The following GTF2H1 variants were observed in gnomAD, a reference collection of about 807,000 sequenced individuals.
The protein encoded by GTF2H1 is general transcription factor IIH subunit 1.
A neutral mutation model predicts 71.2 loss-of-function variants in GTF2H1; 16 were observed. That is an observed-to-expected ratio of 0.22 (90% CI 0.15 to 0.34). GTF2H1 has a LOEUF of 0.34. Among genes scored for constraint, GTF2H1 ranks in the 10% least tolerant of loss-of-function variants. The pLI, the probability that GTF2H1 is intolerant of heterozygous loss-of-function variation, is 1.00. For missense variants in GTF2H1, 498 were observed against 648.2 expected (o/e 0.77, Z 2.52); for synonymous variants, 215 against 219.0 (o/e 0.98, Z 0.16).
At chr11:18,361,018 T>C (rs564157235) in intron 14 of GTF2H1, among the ~76,000 whole-genome samples, 1 of 152,022 alleles carries the variant, frequency 6.6e-6, no homozygotes, top group East Asian at 1.9e-4. Flanking sequence ...TTGGCCAGGC[T>C]GGTCTCAAAC....
At chr11:18,333,761 G>A (rs4150564) in intron 2 of GTF2H1, among the ~76,000 whole-genome samples, 110,427 of 152,076 alleles carry the variant, frequency 0.73, 40,514 homozygotes, top group East Asian at 0.97. Context: ...CTGGGATTAT[G>A]TTATAGGCAT....
intron 11 of GTF2H1, 35 bp from the exon 12 acceptor site, chr11:18,357,917 G>A (rs1448022628): frequency 1.5e-6 from 2 of 1,311,742 alleles, no homozygotes; most frequent in Non-Finnish European, 2.2e-6. Context: ...AAAAAGGGAG[G>A]AAAACCAGTT....
chr11:18,334,592 A>G (rs925708446), intron 2 of GTF2H1, among the ~76,000 whole-genome samples: 4 of 152,194 alleles, frequency 2.6e-5, no homozygotes, highest in Non-Finnish European at 2.9e-5. Flanking sequence ...TTTCTCTACA[A>G]TTCTTCTCAG....
intron 12 of GTF2H1, 77 bp from the exon 13 acceptor site, chr11:18,358,448 C>G: frequency 2.6e-6 from 2 of 776,706 alleles, no homozygotes; most frequent in Non-Finnish European, 4.4e-6. Context: ...CAAATTTATT[C>G]TCTGAGTGGT....
rs1864524067 is a variant in GTF2H1, at chr11:18,322,636, C to G, written c.-120C>G. 6.6e-6 allele frequency: 1 copy of G among 152,276 alleles called. No individual in the cohort carries two copies. Among genetic ancestry groups the G allele is most frequent in the Non-Finnish European group, 1.5e-5 (1 of 68,092 alleles). The allele number at this position is 152,276 out of a possible 1,614,324, so 9.4% of individuals were successfully genotyped here. On this transcript the variant is annotated 5_prime_UTR_variant, in exon 1 of 15. Transcript: ENST00000265963. Reference sequence around the variant, plus strand: ...GAGGCGGTGGCTACTGCTGCGGCCACTGGGTTTCGGCCTCTTCCCAGCAGC... The same window carrying G: ...GAGGCGGTGGCTACTGCTGCGGCCAGTGGGTTTCGGCCTCTTCCCAGCAGC...
chr11:18,347,632 C>T lies in GTF2H1; in HGVS notation c.882C>T (p.Ser294=). The T allele has an allele frequency of 6.2e-7, 1 of 1,610,616 alleles. No individual in the cohort carries two copies. The highest frequency in any genetic ancestry group is 8.5e-7 in the Non-Finnish European group (1 of 1,176,888). Reference sequence around the variant, plus strand: ...TGCCATCTGCTTCCAATTCTAAATCCATAAAAGAGAATAGTAATGCTGCCA... The same window carrying T: ...TGCCATCTGCTTCCAATTCTAAATCTATAAAAGAGAATAGTAATGCTGCCA... ...SSVPSASNSK[S]IKENSNAAII... The change falls in exon 8 of 15, where the codon TCC becomes TCT. Residue 294 remains serine, a synonymous_variant. Transcript: ENST00000265963.
chr11:18,343,382 C>T (rs1006051515), intron 7 of GTF2H1, among the ~76,000 whole-genome samples: 2 of 152,108 alleles, frequency 1.3e-5, no homozygotes, highest in Admixed American at 1.3e-4. Flanking sequence ...CATAGTATTC[C>T]ATTGGTATGG....
At chr11:18,357,320 T>C (rs943636836) in intron 11 of GTF2H1, among the ~76,000 whole-genome samples, 18 of 152,176 alleles carry the variant, frequency 1.2e-4, no homozygotes, top group Admixed American at 2.6e-4. Flanking sequence ...AGTATATTTT[T>C]CCCCCTTTTG....
intron 10 of GTF2H1, 69 bp from the exon 11 acceptor site, chr11:18,352,260 T>C: frequency 2.7e-6 from 2 of 748,626 alleles, no homozygotes; most frequent in South Asian, 3.3e-5. Context: ...ACTGCTAAAA[T>C]GTTGCAAAGA....
chr11:18,336,966 G>A (rs575701341), intron 3 of GTF2H1, among the ~76,000 whole-genome samples: 1 of 152,116 alleles, frequency 6.6e-6, no homozygotes, highest in South Asian at 2.1e-4. Context: ...GGCCAGGCTG[G>A]TCTCAAACTC....
At chr11:18,341,639 A>G in intron 7 of GTF2H1, 32 bp downstream of exon 7, 1 of 1,387,996 alleles carries the variant, frequency 7.2e-7, no homozygotes, top group Non-Finnish European at 1.0e-6. Context: ...TTTGAGAGAA[A>G]AGAGTCTTTT....
In GTF2H1 at chr11:18,365,983, T is replaced by A; in HGVS notation, c.*114T>A. 1.4e-6 allele frequency: 1 copy of A among 695,280 alleles called. No individual in the cohort carries two copies. Among genetic ancestry groups the A allele is most frequent in the Non-Finnish European group, 2.6e-6 (1 of 391,494 alleles). The allele number at this position is 695,280 out of a possible 1,614,324, so 43.1% of individuals were successfully genotyped here. On this transcript the variant is annotated 3_prime_UTR_variant, in exon 15 of 15. Coordinates refer to ENST00000265963, the MANE Select transcript of GTF2H1 (RefSeq NM_005316.4). The stretch of plus-strand genomic sequence containing the variant: ...GACCTCACAGGAGTGATAAGAAACA[T>A]CTGCTCCACGCCAACTCCCAGAGCT...
chr11:18,339,800 A>G lies in GTF2H1; in HGVS notation c.607+143A>G, dbSNP rs567960340. The G allele has an allele frequency of 6.8e-6, 4 of 587,300 alleles. No individual in the cohort carries two copies. In the Admixed American group the frequency reaches 1.3e-4, roughly 19 times the overall value. 36.4% of individuals were successfully genotyped at this position (587,300 alleles called of 1,614,324 possible). ...TTTTACCCAGTGCCTGACATATGGTAGATACTAGGGGCTCAGTAAATAATG... is the reference window on the plus strand; with the variant it reads ...TTTTACCCAGTGCCTGACATATGGTGGATACTAGGGGCTCAGTAAATAATG... On this transcript the variant is annotated intron_variant, in intron 5 of 14. Coordinates refer to ENST00000265963, the MANE Select transcript of GTF2H1 (RefSeq NM_005316.4).
At chr11:18,324,306 A>C (rs1045270965) in intron 1 of GTF2H1, 10 of 152,218 alleles carry the variant, frequency 6.6e-5, no homozygotes, top group Non-Finnish European at 1.3e-4. Context: ...GGTAAGTTTG[A>C]GTCTCTCTTA....
chr11:18,347,585 C>A lies in GTF2H1; in HGVS notation c.838-3C>A. On this transcript the variant is annotated splice_polypyrimidine_tract_variant and splice_region_variant and intron_variant, in intron 7 of 14. Coordinates refer to ENST00000265963, the MANE Select transcript of GTF2H1 (RefSeq NM_005316.4). ...AAAATTTTTAATCTATTATTTCTCA[C>A]AGGGCTATGGCATTTCCTCTGTGCC... 1 of 1,583,314 alleles carries A rather than the reference C, an allele frequency of 6.3e-7. No individual in the cohort carries two copies. Among genetic ancestry groups the A allele is most frequent in the Non-Finnish European group, 8.6e-7 (1 of 1,166,648 alleles).
rs971391902 is a variant in GTF2H1, at chr11:18,347,534, T to C, written c.838-54T>C. 18 of 1,368,370 alleles carry C rather than the reference T, an allele frequency of 1.3e-5. No homozygotes were observed. The Admixed American group carries it at 1.7e-4, about 13-fold the overall frequency. 84.8% of individuals were successfully genotyped at this position (1,368,370 alleles called of 1,614,324 possible). ...AATTTTTTCAGCTAAGCGTGTCTTATAATAAGAAAAGCAGAACCTTTTTAA... is the reference window on the plus strand; with the variant it reads ...AATTTTTTCAGCTAAGCGTGTCTTACAATAAGAAAAGCAGAACCTTTTTAA... On this transcript the variant is annotated intron_variant, in intron 7 of 14. Coordinates refer to ENST00000265963, the MANE Select transcript of GTF2H1 (RefSeq NM_005316.4).
intron 13 of GTF2H1, among the ~76,000 whole-genome samples, chr11:18,358,952 C>G (rs568171953): frequency 6.6e-6 from 1 of 152,156 alleles, no homozygotes; most frequent in Non-Finnish European, 1.5e-5. Context: ...ATATTTGATA[C>G]GTTTTTCAGG....
At chr11:18,326,806 T>C (rs1337507924) in intron 1 of GTF2H1, among the ~76,000 whole-genome samples, 1 of 152,206 alleles carries the variant, frequency 6.6e-6, no homozygotes, top group Non-Finnish European at 1.5e-5. Context: ...CTTAAAATTA[T>C]TTGCCAACTT....
chr11:18,326,359 C>A (rs946693997), intron 1 of GTF2H1, among the ~76,000 whole-genome samples: 7 of 152,078 alleles, frequency 4.6e-5, no homozygotes, highest in Middle Eastern at 3.4e-3. Context: ...CCATCTCTAC[C>A]AAATGTAGAA....
Sources: gnomAD v4.1 joint callset for allele counts (sites outside exome capture counted in the v4.1 genomes callset) on GRCh38, gnomAD v4.1.1 for gene constraint, MANE v1.5 for transcripts, NCBI Gene and HGNC (gene_info 2026-07-23, HGNC 2026-07-21) for gene names.